Variants in TWIST2 observed in about 807,000 individuals in gnomAD.
TWIST2 encodes the protein twist family bHLH transcription factor 2, also known as twist-related protein 2.
In TWIST2, 1 loss-of-function variant was observed where a neutral mutation model predicts 11.6. The ratio of observed to expected loss-of-function variants is 0.09; its 90% CI spans 0.03 to 0.41. The LOEUF (loss-of-function observed/expected upper bound fraction) is 0.41, where lower values mean the gene tolerates loss of function less well. TWIST2 is among the 10% of genes least tolerant of loss of function. TWIST2 has a pLI of 0.98. For missense variants in TWIST2, 168 were observed against 226.4 expected, an observed-to-expected ratio of 0.74 and a Z score of 1.66; for synonymous variants, 87 against 96.6, an observed-to-expected ratio of 0.90 and a Z score of 0.58.
chr2:238,887,955 C>T (rs569735102), intron 1 of TWIST2, among the ~76,000 whole-genome samples: 22 of 152,352 alleles, frequency 1.4e-4, no homozygotes, highest in African/African-American at 4.8e-4. Context: ...TCATAACCCA[C>T]GGCCGCCTCT....
intron 1 of TWIST2, among the ~76,000 whole-genome samples, chr2:238,905,856 CGTGTGTGTG>C (rs1693334362): frequency 7.5e-6 from 1 of 133,920 alleles, no homozygotes; most frequent in African/African-American, 3.1e-5. Flanking sequence ...TGTGTGTGTG[CGTGTGTGTG>C]CGTGCGTGTG....
At chr2:238,899,679 TC>T (rs1693245617) in intron 1 of TWIST2, among the ~76,000 whole-genome samples, 1 of 152,204 alleles carries the variant, frequency 6.6e-6, no homozygotes, top group Non-Finnish European at 1.5e-5. Flanking sequence ...ATGGTAACAT[TC>T]TGCATTCCTG....
intron 1 of TWIST2, among the ~76,000 whole-genome samples, chr2:238,852,660 C>A (rs1692262057): frequency 1.3e-5 from 1 of 75,186 alleles, no homozygotes; most frequent in African/African-American, 6.6e-5. Flanking sequence ...TAAACACACA[C>A]ACACACACGC....
chr2:238,905,980 C>CGT (rs1301791693), intron 1 of TWIST2, among the ~76,000 whole-genome samples: 2 of 133,952 alleles, frequency 1.5e-5, no homozygotes, highest in East Asian at 2.0e-4. Flanking sequence ...TGTGCGCGCG[C>CGT]GTGTACGTGC....
intron 1 of TWIST2, among the ~76,000 whole-genome samples, chr2:238,884,112 C>T (rs577035221): frequency 2.4e-4 from 37 of 152,334 alleles, no homozygotes; most frequent in East Asian, 5.8e-4. Flanking sequence ...GAAGGCACCC[C>T]GAGTGCCTAC....
intron 1 of TWIST2, among the ~76,000 whole-genome samples, chr2:238,880,382 TTAA>T (rs1445334828): frequency 7.5e-5 from 10 of 132,550 alleles, no homozygotes; most frequent in South Asian, 5.4e-4. Context: ...AGCATTAGTA[TTAA>T]TGTTAGTGTT....
chr2:238,905,701 A>G (rs1021855858), intron 1 of TWIST2, among the ~76,000 whole-genome samples: 2 of 152,124 alleles, frequency 1.3e-5, no homozygotes, highest in African/African-American at 4.8e-5. Flanking sequence ...GAAGGCTTCC[A>G]TTTAGCTTTC....
At chr2:238,909,157 G>A (rs1222636776) in intron 1 of TWIST2, among the ~76,000 whole-genome samples, 13,979 of 26,388 alleles carry the variant, frequency 0.53, 2,398 homozygotes, top group South Asian at 0.57. Flanking sequence ...TGTATGTGGT[G>A]TGTAGTGTGG....
At chr2:238,865,205 A>C (rs1692510221) in intron 1 of TWIST2, among the ~76,000 whole-genome samples, 1 of 152,190 alleles carries the variant, frequency 6.6e-6, no homozygotes, top group Non-Finnish European at 1.5e-5. Flanking sequence ...GAGAGCATAG[A>C]CAGAGCTGTG....
chr2:238,860,185 A>C (rs1024757838), intron 1 of TWIST2, among the ~76,000 whole-genome samples: 3 of 152,216 alleles, frequency 2.0e-5, no homozygotes, highest in Non-Finnish European at 4.4e-5. Flanking sequence ...TGCCACCTCC[A>C]GAGTCATGGG....
intron 1 of TWIST2, among the ~76,000 whole-genome samples, chr2:238,872,806 G>A (rs1692730764): frequency 6.6e-6 from 1 of 152,210 alleles, no homozygotes; most frequent in African/African-American, 2.4e-5. Context: ...GAGGTCACGG[G>A]CATACGGCCC....
At chr2:238,861,656 C>A (rs1042971709) in intron 1 of TWIST2, among the ~76,000 whole-genome samples, 1 of 152,208 alleles carries the variant, frequency 6.6e-6, no homozygotes, top group Non-Finnish European at 1.5e-5. Flanking sequence ...TTTTAGCACA[C>A]CTGCCACCAC....
chr2:238,871,233 G>A (rs1233305507), intron 1 of TWIST2, among the ~76,000 whole-genome samples: 1 of 1,822 alleles, frequency 5.5e-4, no homozygotes, highest in Non-Finnish European at 8.9e-4. Context: ...CACACACACA[G>A]CACACACCAC....
chr2:238,896,965 G>A (rs4072449), intron 1 of TWIST2, among the ~76,000 whole-genome samples: 64,272 of 151,974 alleles, frequency 0.42, 13,980 homozygotes, highest in East Asian at 0.59. Flanking sequence ...GGAGGGAGGC[G>A]CCTGAGTGAA....
chr2:238,864,162 T>A lies in TWIST2; in HGVS notation c.*35+15429T>A, dbSNP rs988289118. On this transcript the variant is annotated intron_variant, in intron 1 of 1. Transcript: ENST00000612363. This position sits in a 1 kb window ranked among gnomAD's most constrained non-coding sequence, Gnocchi z 4.7. ...TTCGGAGAGATGACTGAAATATTTG[T>A]AAGTTTCCATCAGCATGGGGGGAAG... is the stretch of plus-strand genomic sequence containing the variant. Among the ~76,000 whole-genome samples the A allele has an allele frequency of 2.0e-5, 3 of 151,508 alleles. No individual in the cohort carries two copies. The highest frequency in any genetic ancestry group is 6.6e-5 in the Admixed American group (1 of 15,226).
At chr2:238,892,614 G>A (rs62191089) in intron 1 of TWIST2, among the ~76,000 whole-genome samples, 112,321 of 151,630 alleles carry the variant, frequency 0.74, 42,197 homozygotes, top group Non-Finnish European at 0.8. Flanking sequence ...CCGAGTAGCT[G>A]GGACTACAGG....
chr2:238,880,938 T>A lies in TWIST2; in HGVS notation c.*36-28904T>A, dbSNP rs1471367782. Among the ~76,000 whole-genome samples the A allele has an allele frequency of 3.1e-5, 3 of 96,866 alleles. No homozygotes were observed. In the South Asian group the frequency reaches 1.2e-3, roughly 38 times the overall value. 63.5% of individuals were successfully genotyped at this position (96,866 alleles called of 152,430 possible). Reference sequence around the variant, plus strand: ...GTCAGTATTAGTGTTAGTATTTATTTGTGTTAGCATTAGTATTAATGTTAG... The same window carrying A: ...GTCAGTATTAGTGTTAGTATTTATTAGTGTTAGCATTAGTATTAATGTTAG... On this transcript the variant is annotated intron_variant, in intron 1 of 1. Coordinates refer to ENST00000612363, the MANE Select transcript of TWIST2 (RefSeq NM_001271893.4).
chr2:238,896,142 G>C (rs1391047245), intron 1 of TWIST2, among the ~76,000 whole-genome samples: 2 of 152,148 alleles, frequency 1.3e-5, no homozygotes, highest in African/African-American at 2.4e-5. Context: ...CATGAGTCAC[G>C]GAGGGGGGAG....
chr2:238,862,957 GGT>G (rs1250401154), intron 1 of TWIST2, among the ~76,000 whole-genome samples: 2 of 152,154 alleles, frequency 1.3e-5, no homozygotes, highest in Non-Finnish European at 2.9e-5. Context: ...TGCATGCACG[GGT>G]GTGTTTGTCT....
Sources: gnomAD v4.1 joint callset for allele counts (sites outside exome capture counted in the v4.1 genomes callset) on GRCh38, gnomAD v4.1.1 for gene constraint, Gnocchi (gnomAD v3.1) non-coding constraint, MANE v1.5 for transcripts, NCBI Gene and HGNC (gene_info 2026-07-23, HGNC 2026-07-21) for gene names.